Variants in IQCM observed in about 807,000 individuals in gnomAD.
The protein encoded by IQCM is IQ motif containing M.
IQCM carries 45 observed loss-of-function variants against 57.6 expected under a neutral mutation model. The observed-to-expected ratio is 0.78, with a 90% CI of 0.62 to 1.00. The LOEUF (loss-of-function observed/expected upper bound fraction) is 1.00, where lower values mean the gene tolerates loss of function less well. Among genes scored for constraint, IQCM ranks in the 50% least tolerant of loss-of-function variants. The pLI is 0.00. For synonymous variants in IQCM, 148 were observed against 158.9 expected (o/e 0.93, Z 0.51); for missense variants, 468 against 511.6 (o/e 0.91, Z 0.82).
At chr4:149,450,954 G>A (rs951813209) in intron 12 of IQCM, among the ~76,000 whole-genome samples, 17 of 151,736 alleles carry the variant, frequency 1.1e-4, no homozygotes, top group African/African-American at 4.1e-4. Flanking sequence ...CCAAAATTTG[G>A]CTAAGTGTCC....
At chr4:149,588,518 T>A (rs922985770) in intron 8 of IQCM, among the ~76,000 whole-genome samples, 3 of 151,902 alleles carry the variant, frequency 2.0e-5, no homozygotes, top group Non-Finnish European at 2.9e-5. Flanking sequence ...AATCCCTCAA[T>A]GTGACTGTAC....
intron 5 of IQCM, among the ~76,000 whole-genome samples, chr4:149,722,536 G>A (rs1340457399): frequency 1.3e-5 from 2 of 151,878 alleles, no homozygotes; most frequent in East Asian, 1.9e-4. Flanking sequence ...ACCATTTATT[G>A]AACAGGGTGT....
intron 12 of IQCM, among the ~76,000 whole-genome samples, chr4:149,488,321 A>C (rs2149769085): frequency 6.6e-6 from 1 of 152,312 alleles, no homozygotes; most frequent in South Asian, 2.1e-4. Context: ...CTGATTATAA[A>C]ACAGGCATAA....
At chr4:149,620,356 A>G (rs995698957) in intron 8 of IQCM, among the ~76,000 whole-genome samples, 3 of 152,128 alleles carry the variant, frequency 2.0e-5, no homozygotes, top group Non-Finnish European at 4.4e-5. Context: ...ATTTTGTAAT[A>G]ACAGCAAATG....
At chr4:149,458,491 C>A (rs1204831855) in intron 12 of IQCM, among the ~76,000 whole-genome samples, 1 of 151,894 alleles carries the variant, frequency 6.6e-6, no homozygotes, top group Non-Finnish European at 1.5e-5. Context: ...TAAGATTATT[C>A]TCTAATCCTC....
intron 12 of IQCM, among the ~76,000 whole-genome samples, chr4:149,471,700 A>T (rs113936587): frequency 3.9e-5 from 6 of 152,336 alleles, no homozygotes; most frequent in African/African-American, 1.4e-4. Context: ...AACCCTGATG[A>T]ACATCAATGC....
chr4:149,670,952 T>TTG (rs975968338), intron 7 of IQCM, among the ~76,000 whole-genome samples: 1 of 151,916 alleles, frequency 6.6e-6, no homozygotes, highest in Non-Finnish European at 1.5e-5. Context: ...TTTTTTTTTT[T>TTG]TTGTTGTGTC....
chr4:149,356,071 G>T (rs1409344510), intron 13 of IQCM, among the ~76,000 whole-genome samples: 1 of 152,094 alleles, frequency 6.6e-6, no homozygotes, highest in Admixed American at 6.6e-5. Context: ...CATATCCTTT[G>T]CCCACTTTTT....
intron 5 of IQCM, among the ~76,000 whole-genome samples, chr4:149,690,025 T>G (rs979539812): frequency 6.6e-6 from 1 of 152,114 alleles, no homozygotes. Flanking sequence ...GAACTAAAAG[T>G]AGAACTACCA....
chr4:149,375,946 C>A (rs1189819437), intron 13 of IQCM, among the ~76,000 whole-genome samples: 1 of 152,066 alleles, frequency 6.6e-6, no homozygotes, highest in Non-Finnish European at 1.5e-5. Flanking sequence ...ATATTAAAAT[C>A]ATGGAAGAAT....
rs966756361 is a variant in IQCM at position 149,591,087 on chromosome 4, T to C, written c.682-3090A>G. Among the ~76,000 whole-genome samples the C allele has an allele frequency of 2.0e-5, 3 of 152,184 alleles. No individual in the cohort carries two copies. In the East Asian group the frequency reaches 5.8e-4, roughly 30 times the overall value. On this transcript the variant is annotated intron_variant, in intron 8 of 13. Transcript: ENST00000636793. ...TTTTGTAACAACCTAAATAGATGTA[T>C]TGAAAACTACTTTTCATACTCCTTT...
At chr4:149,511,527 CTAAATAAATAAATAAA>C (rs3056265) in intron 12 of IQCM, among the ~76,000 whole-genome samples, 20,396 of 141,800 alleles carry the variant, frequency 0.14, 1,834 homozygotes, top group South Asian at 0.34. Flanking sequence ...GACCCTGTCT[CTAAATAAATAAATAAA>C]TAAATAAATA....
At chr4:149,712,106 T>C (rs967587119) in intron 5 of IQCM, among the ~76,000 whole-genome samples, 1 of 152,126 alleles carries the variant, frequency 6.6e-6, no homozygotes, top group Admixed American at 6.5e-5. Context: ...GAAGGGATGA[T>C]CAATGTCTCA....
chr4:149,695,599 G>T (rs78459394), intron 5 of IQCM, among the ~76,000 whole-genome samples: 2,495 of 152,246 alleles, frequency 0.016, 79 homozygotes, highest in African/African-American at 0.057. Context: ...ACACAAGTTT[G>T]AGAAAGTAAA....
chr4:149,481,696 G>GTTTTTTTTTTTTTTTTTTTTTTTTTTTT (rs1197852884), intron 12 of IQCM, among the ~76,000 whole-genome samples: 11 of 33,612 alleles, frequency 3.3e-4, no homozygotes, highest in Admixed American at 9.2e-4. Flanking sequence ...GATTCTTCCA[G>GTTTTTTTTTTTTTTTTTTTTTTTTTTTT]TTTTGTTTTT....
intron 13 of IQCM, among the ~76,000 whole-genome samples, chr4:149,391,672 G>A (rs1225706782): frequency 2.0e-5 from 3 of 151,708 alleles, no homozygotes; most frequent in East Asian, 3.9e-4. Flanking sequence ...TCAGTATGTT[G>A]TATTTTTATT....
intron 2 of IQCM, among the ~76,000 whole-genome samples, chr4:149,762,157 T>C (rs1209917807): frequency 6.6e-6 from 1 of 151,814 alleles, no homozygotes; most frequent in Non-Finnish European, 1.5e-5. Flanking sequence ...TTTTAAAAAT[T>C]TAATAATTAA....
intron 7 of IQCM, among the ~76,000 whole-genome samples, chr4:149,670,585 C>T (rs1761169007): frequency 6.6e-6 from 1 of 152,110 alleles, no homozygotes; most frequent in African/African-American, 2.4e-5. Flanking sequence ...CCAGTTTTTG[C>T]TCATTCAGTA....
chr4:149,639,098 G>A (rs570174566), intron 7 of IQCM, among the ~76,000 whole-genome samples: 3 of 152,294 alleles, frequency 2.0e-5, no homozygotes, highest in Middle Eastern at 3.4e-3. Context: ...TTGAGATCTG[G>A]TCATTCACTG....
Sources: gnomAD v4.1 joint callset for allele counts (sites outside exome capture counted in the v4.1 genomes callset) on GRCh38, gnomAD v4.1.1 for gene constraint, MANE v1.5 for transcripts, NCBI Gene and HGNC (gene_info 2026-07-23, HGNC 2026-07-21) for gene names.